CTNNA3: variants seen among roughly 807,000 people sequenced by gnomAD.
The protein encoded by CTNNA3 is catenin alpha 3, also known as catenin alpha-3.
CTNNA3 carries 76 observed loss-of-function variants against 95.7 expected under a neutral mutation model. The ratio of observed to expected loss-of-function variants is 0.79; its 90% CI spans 0.66 to 0.96. The LOEUF (loss-of-function observed/expected upper bound fraction) is 0.96. Ranked by LOEUF, CTNNA3 falls within the 40% of genes least tolerant of loss-of-function variation. The probability of loss-of-function intolerance (pLI) is 0.00; values close to 1 mark genes in which losing one functional copy is unlikely to be tolerated. For missense variants in CTNNA3, 1,191 were observed against 1,089.8 expected, an observed-to-expected ratio of 1.09 and a Z score of -1.31; for synonymous variants, 431 against 374.4, an observed-to-expected ratio of 1.15 and a Z score of -1.74.
At chr10:67,595,275 C>G (rs1026992503) in intron 3 of CTNNA3, among the ~76,000 whole-genome samples, 2 of 152,166 alleles carry the variant, frequency 1.3e-5, no homozygotes, top group South Asian at 4.1e-4. Context: ...GCATTTGGTG[C>G]TATAAACTTT....
intron 1 of CTNNA3, among the ~76,000 whole-genome samples, chr10:67,702,953 G>A (rs751389000): frequency 9.1e-4 from 138 of 152,180 alleles, no homozygotes; most frequent in Non-Finnish European, 1.8e-3. Context: ...TATCACCACC[G>A]ACCCCACAGA....
chr10:66,706,951 G>T (rs940373113), intron 9 of CTNNA3, among the ~76,000 whole-genome samples: 1 of 151,936 alleles, frequency 6.6e-6, no homozygotes, highest in Non-Finnish European at 1.5e-5. Flanking sequence ...AAGAGACATT[G>T]CAAAACACTA....
At chr10:66,178,422 TATATATATATATATATATATAC>T (rs2085846596) in intron 13 of CTNNA3, among the ~76,000 whole-genome samples, 1 of 72,736 alleles carries the variant, frequency 1.4e-5, no homozygotes, top group Admixed American at 1.4e-4. Flanking sequence ...TATATATATA[TATATATATATATATATATATAC>T]ACACACAGAT....
Position 65,983,978 on chromosome 10 carries a change from T to C in CTNNA3, c.2265+4714A>G, listed in dbSNP as rs371548835. The stretch of plus-strand genomic sequence containing the variant: ...TACATGTGAACTTTAACTCTGAAAC[T>C]TTACAGAATGTAACTAAATTGGTCT... On this transcript the variant is annotated intron_variant, in intron 16 of 17. Transcript: ENST00000433211. 1.7e-4 allele frequency among the ~76,000 whole-genome samples: 25 copies of C among 151,400 alleles called. No individual in the cohort carries two copies. The East Asian group carries it at 4.6e-3, about 28-fold the overall frequency.
chr10:67,619,480 G>T (rs1356102099), intron 2 of CTNNA3, among the ~76,000 whole-genome samples: 1 of 152,088 alleles, frequency 6.6e-6, no homozygotes, highest in East Asian at 1.9e-4. Flanking sequence ...ATGGACTAAA[G>T]ATTTAAATGT....
At chr10:66,783,627 A>G (rs1235915180) in intron 7 of CTNNA3, among the ~76,000 whole-genome samples, 1 of 126,672 alleles carries the variant, frequency 7.9e-6, no homozygotes, top group Admixed American at 8.9e-5. Context: ...TTACACTGTG[A>G]GCTCCTGTGA....
At chr10:67,725,146 C>T (rs1252687146) in intron 1 of CTNNA3, among the ~76,000 whole-genome samples, 1 of 151,798 alleles carries the variant, frequency 6.6e-6, no homozygotes, top group African/African-American at 2.4e-5. Context: ...ATACATCCAT[C>T]CACTTATATA....
chr10:67,629,009 TA>T (rs903782545), intron 2 of CTNNA3, among the ~76,000 whole-genome samples: 26 of 143,968 alleles, frequency 1.8e-4, no homozygotes, highest in Middle Eastern at 3.5e-3. Context: ...AGAACTCTAA[TA>T]AAAAAAAAAA....
intron 10 of CTNNA3, among the ~76,000 whole-genome samples, chr10:66,605,107 G>T (rs892223879): frequency 6.6e-6 from 1 of 152,184 alleles, no homozygotes; most frequent in African/African-American, 2.4e-5. Context: ...GTATAGAAAA[G>T]AATGTAAGCA....
chr10:67,231,223 C>G (rs577678868), intron 5 of CTNNA3, among the ~76,000 whole-genome samples: 8 of 152,214 alleles, frequency 5.3e-5, no homozygotes, highest in Admixed American at 2.0e-4. Context: ...CTGGGGGCAG[C>G]GCACAGACAA....
intron 10 of CTNNA3, among the ~76,000 whole-genome samples, chr10:66,543,474 T>C (rs1010574452): frequency 6.6e-6 from 1 of 152,144 alleles, no homozygotes; most frequent in Admixed American, 6.5e-5. Context: ...GGGTTTAAGT[T>C]ATTTTAAGTG....
chr10:66,158,761 G>A (rs1469361847), intron 13 of CTNNA3, among the ~76,000 whole-genome samples: 2 of 151,960 alleles, frequency 1.3e-5, no homozygotes, highest in Non-Finnish European at 2.9e-5. Context: ...TCACAATATT[G>A]ATTCTACCCA....
intron 9 of CTNNA3, among the ~76,000 whole-genome samples, chr10:66,723,846 G>A (rs994118760): frequency 1.3e-5 from 2 of 152,176 alleles, no homozygotes; most frequent in African/African-American, 2.4e-5. Context: ...GAACAGCCTT[G>A]TCAGGGAAGC....
intron 9 of CTNNA3, among the ~76,000 whole-genome samples, chr10:66,758,914 G>T (rs191927650): frequency 6.6e-6 from 1 of 152,206 alleles, no homozygotes; most frequent in African/African-American, 2.4e-5. Flanking sequence ...CAGCCTGGGT[G>T]ACAGAGGGTG....
chr10:66,746,124 C>A (rs1403969935), intron 9 of CTNNA3, among the ~76,000 whole-genome samples: 2 of 152,072 alleles, frequency 1.3e-5, no homozygotes, highest in Non-Finnish European at 2.9e-5. Context: ...GTCTGTTAAG[C>A]TTTTCCATCT....
intron 7 of CTNNA3, among the ~76,000 whole-genome samples, chr10:67,054,318 G>A (rs1437555566): frequency 6.6e-6 from 1 of 152,126 alleles, no homozygotes; most frequent in Non-Finnish European, 1.5e-5. Flanking sequence ...GTACTGAAAT[G>A]TAACAAAAGC....
At chr10:66,775,373 A>C (rs1053469005) in intron 8 of CTNNA3, 71 bp downstream of exon 8, 7 of 1,006,342 alleles carry the variant, frequency 7.0e-6, no homozygotes, top group African/African-American at 1.6e-5. Flanking sequence ...CAAGAAACAA[A>C]TATGCCTGCA....
intron 5 of CTNNA3, among the ~76,000 whole-genome samples, chr10:67,457,143 A>G (rs1564662924): frequency 6.6e-6 from 1 of 152,200 alleles, no homozygotes; most frequent in East Asian, 1.9e-4. Context: ...ACTAACTGTC[A>G]GCAGCACTGA....
At chr10:67,201,501 A>G (rs1564967866) in intron 6 of CTNNA3, among the ~76,000 whole-genome samples, 2 of 151,830 alleles carry the variant, frequency 1.3e-5, no homozygotes, top group African/African-American at 2.4e-5. Context: ...TTTAGGGTAC[A>G]TGTGCTTTCC....
Sources: gnomAD v4.1 joint callset for allele counts (sites outside exome capture counted in the v4.1 genomes callset) on GRCh38, gnomAD v4.1.1 for gene constraint, MANE v1.5 for transcripts, NCBI Gene and HGNC (gene_info 2026-07-23, HGNC 2026-07-21) for gene names.